The following ABHD12 variants were observed in gnomAD, a reference collection of about 807,000 sequenced individuals.
ABHD12 encodes the protein abhydrolase domain containing 12, lysophospholipase, also known as lysophosphatidylserine lipase ABHD12.
ABHD12 carries 43 observed loss-of-function variants against 58.3 expected under a neutral mutation model. The ratio of observed to expected loss-of-function variants is 0.74; its 90% CI spans 0.58 to 0.95. ABHD12 has a LOEUF of 0.95. ABHD12 is among the 40% of genes least tolerant of loss of function. ABHD12 has a pLI of 0.00. For missense variants in ABHD12, 539 were observed against 537.2 expected, an observed-to-expected ratio of 1.00 and a Z score of -0.03; for synonymous variants, 219 against 211.2, an observed-to-expected ratio of 1.04 and a Z score of -0.32.
intron 3 of ABHD12, among the ~76,000 whole-genome samples, chr20:25,323,025 T>TA (rs1167110676): frequency 1.3e-5 from 2 of 152,218 alleles, no homozygotes; most frequent in African/African-American, 4.8e-5. Flanking sequence ...GCCGGCCACT[T>TA]ATATCCTGTT....
chr20:25,338,150 C>T (rs2089403231), intron 2 of ABHD12, among the ~76,000 whole-genome samples: 1 of 152,150 alleles, frequency 6.6e-6, no homozygotes, highest in Non-Finnish European at 1.5e-5. Context: ...AACTCATAAG[C>T]CCAGATGCCT....
rs756450374 is a variant in ABHD12 at position 25,369,634 on chromosome 20, AAG to A, written c.191+20877_191+20878del. 1.4e-4 allele frequency among the ~76,000 whole-genome samples: 21 copies of A among 152,336 alleles called. No individual in the cohort carries two copies. In the East Asian group the frequency reaches 3.7e-3, roughly 27 times the overall value. On this transcript the variant is annotated intron_variant, in intron 1 of 12. Coordinates refer to ENST00000339157, the MANE Select transcript of ABHD12 (RefSeq NM_001042472.3). ...AGATTGTGAGACCGCGTCTCAGTTC[AAG>A]AGGGTAAGATCCCAAACCAGGAGTG...
chr20:25,377,522 C>T (rs1398993141), intron 1 of ABHD12, among the ~76,000 whole-genome samples: 2 of 152,128 alleles, frequency 1.3e-5, no homozygotes, highest in Non-Finnish European at 2.9e-5. Flanking sequence ...TGGCTCAGGG[C>T]ATCACATGGT....
At chr20:25,374,625 C>G (rs1350887803) in intron 1 of ABHD12, among the ~76,000 whole-genome samples, 1 of 152,026 alleles carries the variant, frequency 6.6e-6, no homozygotes, top group African/African-American at 2.4e-5. Context: ...TCCCGAGTAG[C>G]TGGGATTACA....
intron 1 of ABHD12, among the ~76,000 whole-genome samples, chr20:25,386,547 A>T (rs2090093618): frequency 6.6e-6 from 1 of 151,742 alleles, no homozygotes; most frequent in Admixed American, 6.5e-5. Context: ...GGCGTGAGCC[A>T]CCGAGCCCGG....
At chr20:25,382,677 CCT>C (rs1176803086) in intron 1 of ABHD12, among the ~76,000 whole-genome samples, 1 of 152,116 alleles carries the variant, frequency 6.6e-6, no homozygotes, top group African/African-American at 2.4e-5. Context: ...CATGAAAGTG[CCT>C]CAGGTGCTTT....
At chr20:25,388,218 C>T (rs779741643) in intron 1 of ABHD12, among the ~76,000 whole-genome samples, 1 of 151,976 alleles carries the variant, frequency 6.6e-6, no homozygotes, top group African/African-American at 2.4e-5. Flanking sequence ...AAAAAATGTG[C>T]GGAAGGATCC....
At chr20:25,312,757 T>C (rs956786420) in intron 6 of ABHD12, among the ~76,000 whole-genome samples, 3 of 143,206 alleles carry the variant, frequency 2.1e-5, no homozygotes, top group African/African-American at 5.4e-5. Flanking sequence ...CGGCCGCCCA[T>C]CGTCTGAGAT....
intron 2 of ABHD12, among the ~76,000 whole-genome samples, chr20:25,328,653 G>A (rs762162050): frequency 2.6e-5 from 4 of 152,334 alleles, no homozygotes; most frequent in Non-Finnish European, 4.4e-5. Flanking sequence ...AGCTAATCCA[G>A]AAAACTTCCA....
chr20:25,347,906 GAAAA>G (rs754926629), intron 1 of ABHD12, among the ~76,000 whole-genome samples: 1 of 130,888 alleles, frequency 7.6e-6, no homozygotes, highest in Non-Finnish European at 1.7e-5. Context: ...TGTGGGTTTA[GAAAA>G]AAAAAAAAAA....
chr20:25,359,423 CAAAA>C (rs565367954), intron 1 of ABHD12, among the ~76,000 whole-genome samples: 2,158 of 62,968 alleles, frequency 0.034, 36 homozygotes, highest in African/African-American at 0.085. Flanking sequence ...GACTCCGTCT[CAAAA>C]AAAAAAAAAA....
chr20:25,348,757 A>G (rs2089555315), intron 1 of ABHD12, among the ~76,000 whole-genome samples: 1 of 152,190 alleles, frequency 6.6e-6, no homozygotes, highest in Admixed American at 6.5e-5. Flanking sequence ...CTAATCCCAG[A>G]AGGACTGACA....
chr20:25,322,381 A>ATATATATATATATATATATATTTT, intron 3 of ABHD12, among the ~76,000 whole-genome samples: 5 of 59,278 alleles, frequency 8.4e-5, no homozygotes, highest in African/African-American at 1.7e-4. Context: ...ATATATATAT[A>ATATATATATATATATATATATTTT]TTTTTTTTTT....
rs1448326947 is a variant in ABHD12, at chr20:25,317,036, G to A, written c.573+12C>T. The A allele has an allele frequency of 1.2e-6, 2 of 1,612,352 alleles. No individual in the cohort carries two copies. Among genetic ancestry groups the A allele is most frequent in the African/African-American group, 1.3e-5 (1 of 75,020 alleles). On this transcript the variant is annotated intron_variant, in intron 5 of 12. Coordinates refer to ENST00000339157, the MANE Select transcript of ABHD12 (RefSeq NM_001042472.3). ...AGCCCAGGGAACAGGTGTGGGTGCTGCCTGCACTCACCTTGTAAAGCTCCA... is the reference window on the plus strand; with the variant it reads ...AGCCCAGGGAACAGGTGTGGGTGCTACCTGCACTCACCTTGTAAAGCTCCA...
chr20:25,370,803 T>C (rs1239429879), intron 1 of ABHD12, among the ~76,000 whole-genome samples: 1 of 152,034 alleles, frequency 6.6e-6, no homozygotes, highest in Admixed American at 6.6e-5. Flanking sequence ...GGTACACAGT[T>C]CTCAATCAAT....
intron 1 of ABHD12, among the ~76,000 whole-genome samples, chr20:25,383,424 G>A (rs2146137148): frequency 6.6e-6 from 1 of 152,316 alleles, no homozygotes; most frequent in African/African-American, 2.4e-5. Context: ...GTAACACACA[G>A]ACCGTGTACA....
chr20:25,366,279 T>A (rs2089819732), intron 1 of ABHD12, among the ~76,000 whole-genome samples: 1 of 152,106 alleles, frequency 6.6e-6, no homozygotes, highest in Non-Finnish European at 1.5e-5. Context: ...GTCTTTTCTT[T>A]TCTTTTTTTT....
At chr20:25,327,297 T>C (rs575982509) in intron 2 of ABHD12, among the ~76,000 whole-genome samples, 131 of 152,208 alleles carry the variant, frequency 8.6e-4, no homozygotes, top group African/African-American at 3.0e-3. Context: ...TGAAACCCTG[T>C]CTCTACTAAA....
chr20:25,385,528 T>C (rs181459017), intron 1 of ABHD12, among the ~76,000 whole-genome samples: 1 of 152,026 alleles, frequency 6.6e-6, no homozygotes, highest in Admixed American at 6.5e-5. Flanking sequence ...GAAGACACTG[T>C]AGTAGTTACC....
Sources: allele counts gnomAD v4.1 joint callset (sites outside exome capture counted in the v4.1 genomes callset), GRCh38; gene constraint gnomAD v4.1.1; transcripts MANE v1.5; gene names NCBI Gene and HGNC (gene_info 2026-07-23, HGNC 2026-07-21).